SAMD12: variants seen among roughly 807,000 people sequenced by gnomAD.
SAMD12 encodes sterile alpha motif domain-containing protein 12.
SAMD12 carries 9 observed loss-of-function variants against 15.0 expected under a neutral mutation model. The observed-to-expected ratio is 0.60, with a 90% confidence interval of 0.36 to 1.05. SAMD12 has a LOEUF of 1.05. SAMD12 is among the 50% of genes least tolerant of loss of function. SAMD12 has a pLI of 0.01. For missense variants in SAMD12, 230 were observed against 234.2 expected (o/e 0.98, Z 0.12); for synonymous variants, 86 against 90.1 (o/e 0.96, Z 0.25).
intron 2 of SAMD12, among the ~76,000 whole-genome samples, chr8:118,550,914 G>A (rs1826311396): frequency 1.3e-5 from 2 of 150,016 alleles, no homozygotes; most frequent in Non-Finnish European, 3.0e-5. Flanking sequence ...AACCAACAAA[G>A]ATCAAAAGAG....
chr8:118,511,481 G>A (rs1343646042), intron 2 of SAMD12, among the ~76,000 whole-genome samples: 2 of 151,652 alleles, frequency 1.3e-5, no homozygotes, highest in Admixed American at 1.3e-4. Flanking sequence ...GTGAATAGAT[G>A]TTTTGTAGAT....
chr8:118,517,244 CT>C (rs1825269330), intron 2 of SAMD12, among the ~76,000 whole-genome samples: 1 of 152,144 alleles, frequency 6.6e-6, no homozygotes, highest in African/African-American at 2.4e-5. Context: ...TAAAGATAAA[CT>C]GAAACCATTT....
chr8:118,277,124 T>C (rs976530546), intron 4 of SAMD12, among the ~76,000 whole-genome samples: 2 of 152,178 alleles, frequency 1.3e-5, no homozygotes, highest in African/African-American at 4.8e-5. Context: ...AATTCACCTA[T>C]TATATTTCAC....
intron 2 of SAMD12, among the ~76,000 whole-genome samples, chr8:118,518,844 CTTCT>C (rs1291008251): frequency 6.6e-6 from 1 of 152,202 alleles, no homozygotes; most frequent in Non-Finnish European, 1.5e-5. Context: ...ACAGCTGTGT[CTTCT>C]TTATCTCAAT....
intron 3 of SAMD12, among the ~76,000 whole-genome samples, chr8:118,412,038 T>C (rs1425207535): frequency 1.3e-5 from 2 of 152,214 alleles, no homozygotes; most frequent in Non-Finnish European, 2.9e-5. Context: ...AAACAAAGCC[T>C]AAACATTTAC....
At chr8:118,177,399 A>G in the SAMD12 span, among the ~76,000 whole-genome samples, 35 of 151,938 alleles carry the variant, frequency 2.3e-4, no homozygotes, top group South Asian at 7.1e-3. Context: ...CACCATGTCC[A>G]GCTAACTTTT....
intron 2 of SAMD12, among the ~76,000 whole-genome samples, chr8:118,529,509 T>C (rs1825627595): frequency 6.6e-6 from 1 of 152,234 alleles, no homozygotes; most frequent in African/African-American, 2.4e-5. Flanking sequence ...GTGTACATTG[T>C]ACTCAATGGG....
At chr8:118,545,835 G>T (rs1179435326) in intron 2 of SAMD12, among the ~76,000 whole-genome samples, 2 of 152,166 alleles carry the variant, frequency 1.3e-5, no homozygotes, top group Non-Finnish European at 2.9e-5. Flanking sequence ...CTAGAGTCTT[G>T]GTTAATCTGT....
At chr8:118,220,415 C>G (rs1325480439) in intron 4 of SAMD12, among the ~76,000 whole-genome samples, 1 of 152,154 alleles carries the variant, frequency 6.6e-6, no homozygotes, top group African/African-American at 2.4e-5. Flanking sequence ...GGAAATGTGA[C>G]AGTCTCTAAG....
intron 2 of SAMD12, among the ~76,000 whole-genome samples, chr8:118,559,208 CT>C (rs1312589517): frequency 6.6e-6 from 1 of 152,054 alleles, no homozygotes; most frequent in Admixed American, 6.6e-5. Context: ...CAGGAAGACC[CT>C]TTTTTCCCCC....
At chr8:118,529,218 G>A (rs541544391) in intron 2 of SAMD12, among the ~76,000 whole-genome samples, 1 of 152,286 alleles carries the variant, frequency 6.6e-6, no homozygotes, top group South Asian at 2.1e-4. Flanking sequence ...TTACTTTTCA[G>A]AGGCCTCAGC....
intron 4 of SAMD12, among the ~76,000 whole-genome samples, chr8:118,208,844 C>G (rs1293943313): frequency 6.6e-6 from 1 of 152,148 alleles, no homozygotes; most frequent in African/African-American, 2.4e-5. Context: ...CAAGGTGAAG[C>G]TTCAAATCCT....
intron 4 of SAMD12, among the ~76,000 whole-genome samples, chr8:118,250,212 T>C (rs909638815): frequency 7.2e-5 from 11 of 152,066 alleles, no homozygotes; most frequent in Admixed American, 6.6e-4. Context: ...AGGAGTCCCA[T>C]GGAATAGAGA....
chr8:118,509,978 C>T (rs1015462962), intron 2 of SAMD12, among the ~76,000 whole-genome samples: 3 of 152,104 alleles, frequency 2.0e-5, no homozygotes, highest in Admixed American at 6.5e-5. Context: ...TCTGTGCACA[C>T]TTTTGATATT....
chr8:118,333,523 C>A (rs1026548060), intron 4 of SAMD12, among the ~76,000 whole-genome samples: 1 of 151,706 alleles, frequency 6.6e-6, no homozygotes, highest in Non-Finnish European at 1.5e-5. Context: ...CTCACCCACA[C>A]CTATCTTTTA....
chr8:118,441,193 T>C (rs1822750918), intron 2 of SAMD12, among the ~76,000 whole-genome samples: 1 of 152,108 alleles, frequency 6.6e-6, no homozygotes, highest in Non-Finnish European at 1.5e-5. Context: ...ATCTAGCATC[T>C]AATAACTTTT....
chr8:118,337,650 T>A (rs1399640491), intron 4 of SAMD12, among the ~76,000 whole-genome samples: 1 of 152,222 alleles, frequency 6.6e-6, no homozygotes, highest in Non-Finnish European at 1.5e-5. Flanking sequence ...ACTCAGCGTG[T>A]ATCCACACTG....
chr8:118,277,360 A>G (rs1259809198), intron 4 of SAMD12, among the ~76,000 whole-genome samples: 1 of 152,080 alleles, frequency 6.6e-6, no homozygotes, highest in Non-Finnish European at 1.5e-5. Context: ...CTATCTATCT[A>G]TCATCTATCT....
At chr8:118,178,430 T>C in the SAMD12 span, among the ~76,000 whole-genome samples, 9 of 152,122 alleles carry the variant, frequency 5.9e-5, no homozygotes, top group South Asian at 2.1e-4. Context: ...TAAAAACCCA[T>C]TGTATGATTT....
Sources: gnomAD v4.1 joint callset for allele counts (sites outside exome capture counted in the v4.1 genomes callset) on GRCh38, gnomAD v4.1.1 for gene constraint, MANE v1.5 for transcripts, NCBI Gene and HGNC (gene_info 2026-07-23, HGNC 2026-07-21) for gene names.